Variants in EBF1 observed in about 807,000 individuals in gnomAD.
The protein encoded by EBF1 is transcription factor COE1.
EBF1 carries 10 observed loss-of-function variants against 68.4 expected under a neutral mutation model. The ratio of observed to expected loss-of-function variants is 0.15; its 90% CI spans 0.09 to 0.25. The LOEUF (loss-of-function observed/expected upper bound fraction) is 0.25. Among genes scored for constraint, EBF1 ranks in the 10% least tolerant of loss-of-function variants. The probability of loss-of-function intolerance (pLI) is 1.00; values close to 1 mark genes in which losing one functional copy is unlikely to be tolerated. For synonymous variants in EBF1, 298 were observed against 299.8 expected, an observed-to-expected ratio of 0.99 and a Z score of 0.06; for missense variants, 509 against 794.4, an observed-to-expected ratio of 0.64 and a Z score of 4.32.
At chr5:158,866,849 A>G (rs866643696) in intron 6 of EBF1, among the ~76,000 whole-genome samples, 14 of 4,014 alleles carry the variant, frequency 3.5e-3, no homozygotes, top group East Asian at 0.023. Flanking sequence ...ATATATATAT[A>G]TATATATATA....
At chr5:158,893,571 A>G (rs1171695514) in intron 6 of EBF1, among the ~76,000 whole-genome samples, 1 of 152,176 alleles carries the variant, frequency 6.6e-6, no homozygotes, top group Non-Finnish European at 1.5e-5. Flanking sequence ...CTTGCTTTTA[A>G]TATGTCTTTA....
At chr5:159,041,222 C>T (rs1771134686) in intron 6 of EBF1, among the ~76,000 whole-genome samples, 1 of 152,184 alleles carries the variant, frequency 6.6e-6, no homozygotes, top group Non-Finnish European at 1.5e-5. Flanking sequence ...CTAACTCATC[C>T]CTGCTATGAA....
intron 5 of EBF1, among the ~76,000 whole-genome samples, chr5:159,079,867 G>A (rs1184691208): frequency 1.3e-5 from 2 of 151,808 alleles, no homozygotes; most frequent in East Asian, 1.9e-4. Flanking sequence ...TGCCCACCTC[G>A]GCCTCCCATA....
intron 6 of EBF1, among the ~76,000 whole-genome samples, chr5:158,915,119 G>A (rs1275681557): frequency 6.6e-6 from 1 of 152,158 alleles, no homozygotes; most frequent in Non-Finnish European, 1.5e-5. Context: ...CAGGCACTCA[G>A]GCTCTACCGG....
intron 6 of EBF1, among the ~76,000 whole-genome samples, chr5:158,851,732 G>A (rs1424720939): frequency 1.9e-5 from 2 of 108,068 alleles, no homozygotes; most frequent in Non-Finnish European, 1.9e-5. Flanking sequence ...AAGAAAGGAA[G>A]GGAAGAGAAA....
At chr5:159,016,957 C>T (rs1372046884) in intron 6 of EBF1, among the ~76,000 whole-genome samples, 2 of 152,180 alleles carry the variant, frequency 1.3e-5, no homozygotes, top group Non-Finnish European at 2.9e-5. Flanking sequence ...AGCAGTGAGT[C>T]CACCAGAAAT....
At chr5:158,980,972 A>G (rs1451514745) in intron 6 of EBF1, among the ~76,000 whole-genome samples, 2 of 152,210 alleles carry the variant, frequency 1.3e-5, no homozygotes, top group Non-Finnish European at 2.9e-5. Flanking sequence ...AAACATGATG[A>G]ATATTTAAAA....
intron 9 of EBF1, among the ~76,000 whole-genome samples, chr5:158,780,816 C>A (rs1248480368): frequency 6.6e-6 from 1 of 152,212 alleles, no homozygotes; most frequent in African/African-American, 2.4e-5. Context: ...GACTAACTTT[C>A]TCACAGTGTG....
At chr5:158,720,034 A>G (rs1234926365) in intron 11 of EBF1, among the ~76,000 whole-genome samples, 2 of 152,184 alleles carry the variant, frequency 1.3e-5, no homozygotes, top group African/African-American at 4.8e-5. Flanking sequence ...ATTTATCACC[A>G]ATCTACTTTG....
chr5:158,981,100 A>G (rs1352353137), intron 6 of EBF1, among the ~76,000 whole-genome samples: 2 of 152,162 alleles, frequency 1.3e-5, no homozygotes, highest in African/African-American at 4.8e-5. Flanking sequence ...CTCATTTGTT[A>G]CACCAATACT....
chr5:158,978,835 C>CAGAGAGAG (rs70987945), intron 6 of EBF1, among the ~76,000 whole-genome samples: 49 of 147,040 alleles, frequency 3.3e-4, no homozygotes, highest in African/African-American at 1.0e-3. Flanking sequence ...CACACACACA[C>CAGAGAGAG]AGAGAGAGAG....
chr5:159,068,392 TG>T (rs1561936044), intron 6 of EBF1, among the ~76,000 whole-genome samples: 57 of 151,876 alleles, frequency 3.8e-4, no homozygotes, highest in Middle Eastern at 3.2e-3. Context: ...GATGGATGGA[TG>T]GATGGATGGA....
intron 11 of EBF1, among the ~76,000 whole-genome samples, chr5:158,723,054 C>A (rs1287150145): frequency 1.3e-5 from 2 of 152,182 alleles, no homozygotes; most frequent in Non-Finnish European, 2.9e-5. Context: ...CGAAAGAGTT[C>A]CAGCACTGAG....
intron 4 of EBF1, among the ~76,000 whole-genome samples, chr5:159,086,259 T>C (rs1014149356): frequency 1.3e-5 from 2 of 152,182 alleles, no homozygotes; most frequent in East Asian, 3.8e-4. Context: ...ATTGCAGACA[T>C]GCCCTAAATA....
chr5:158,891,131 G>T (rs926525221), intron 6 of EBF1, among the ~76,000 whole-genome samples: 1 of 152,162 alleles, frequency 6.6e-6, no homozygotes, highest in African/African-American at 2.4e-5. Flanking sequence ...ATTTAGTTTT[G>T]TGTGTGTTTG....
At chr5:158,803,251 T>G (rs1780942131) in intron 8 of EBF1, among the ~76,000 whole-genome samples, 1 of 152,004 alleles carries the variant, frequency 6.6e-6, no homozygotes, top group Non-Finnish European at 1.5e-5. Flanking sequence ...ATGTTGTACT[T>G]GGGAGAAACG....
intron 6 of EBF1, among the ~76,000 whole-genome samples, chr5:158,916,646 T>C (rs1807247726): frequency 6.6e-6 from 1 of 152,110 alleles, no homozygotes; most frequent in Non-Finnish European, 1.5e-5. Flanking sequence ...TGAACCCAGG[T>C]CTCTCTATCT....
At chr5:158,777,944 A>G (rs1440303826) in intron 9 of EBF1, among the ~76,000 whole-genome samples, 1 of 152,194 alleles carries the variant, frequency 6.6e-6, no homozygotes, top group Non-Finnish European at 1.5e-5. Flanking sequence ...ACACAGAGGT[A>G]GGGAAACAGC....
intron 7 of EBF1, among the ~76,000 whole-genome samples, chr5:158,837,196 T>C (rs1412071189): frequency 1.3e-5 from 2 of 152,182 alleles, no homozygotes; most frequent in Non-Finnish European, 2.9e-5. Flanking sequence ...GGGAGGTAGA[T>C]GTTCTCTACT....
Sources: allele counts gnomAD v4.1 joint callset (sites outside exome capture counted in the v4.1 genomes callset), GRCh38; gene constraint gnomAD v4.1.1; transcripts MANE v1.5; gene names NCBI Gene and HGNC (gene_info 2026-07-23, HGNC 2026-07-21).